Variants in OPCML observed in about 807,000 individuals in gnomAD.
The protein encoded by OPCML is opioid-binding protein/cell adhesion molecule.
In OPCML, 13 loss-of-function variants were observed where a neutral mutation model predicts 37.8. The observed-to-expected ratio is 0.34, with a 90% CI of 0.22 to 0.55. OPCML has a LOEUF of 0.55. Ranked by LOEUF, OPCML falls within the 20% of genes least tolerant of loss-of-function variation. OPCML has a pLI of 0.91. For synonymous variants in OPCML, 176 were observed against 168.8 expected, an observed-to-expected ratio of 1.04 and a Z score of -0.33; for missense variants, 341 against 435.6, an observed-to-expected ratio of 0.78 and a Z score of 1.93.
chr11:132,551,053 T>C lies in OPCML; in HGVS notation c.380-21867A>G, dbSNP rs535147617. On this transcript the variant is annotated intron_variant, in intron 3 of 7. Transcript: ENST00000524381. Reference sequence around the variant, plus strand: ...TTTATTTCCTGGATGCGCCTTACCCTGAGGCTTCCAGAGAGATGGGCCCTT... The same window carrying C: ...TTTATTTCCTGGATGCGCCTTACCCCGAGGCTTCCAGAGAGATGGGCCCTT... 1.1e-4 allele frequency among the ~76,000 whole-genome samples: 16 copies of C among 152,314 alleles called. 1 individual carries two copies. The South Asian group carries it at 3.1e-3, about 30-fold the overall frequency.
chr11:132,702,920 C>T (rs1188242833), intron 2 of OPCML, among the ~76,000 whole-genome samples: 2 of 152,074 alleles, frequency 1.3e-5, no homozygotes, highest in Non-Finnish European at 2.9e-5. Context: ...TGGCTCTCAT[C>T]TTTTTGTTAA....
intron 1 of OPCML, among the ~76,000 whole-genome samples, chr11:133,398,664 G>C (rs534908408): frequency 6.6e-6 from 1 of 152,038 alleles, no homozygotes; most frequent in African/African-American, 2.4e-5. Flanking sequence ...TTCAAAATAA[G>C]TTTAAAATGA....
chr11:133,431,790 A>G (rs1946122965), intron 1 of OPCML, among the ~76,000 whole-genome samples: 1 of 147,950 alleles, frequency 6.8e-6, no homozygotes, highest in Non-Finnish European at 1.5e-5. Flanking sequence ...TTATATATAT[A>G]TATAAAATAT....
At chr11:132,912,064 C>G (rs536529444) in intron 2 of OPCML, among the ~76,000 whole-genome samples, 162 of 152,132 alleles carry the variant, frequency 1.1e-3, no homozygotes, top group African/African-American at 3.5e-3. Context: ...ACCATTAGAA[C>G]ACTTGGAATC....
chr11:133,529,260 T>C (rs1407201868), intron 1 of OPCML, among the ~76,000 whole-genome samples: 1 of 152,254 alleles, frequency 6.6e-6, no homozygotes, highest in East Asian at 1.9e-4. Flanking sequence ...CATTTTAACC[T>C]GCCTCTCTCC....
At chr11:132,434,763 A>G (rs1459434285) in intron 7 of OPCML, among the ~76,000 whole-genome samples, 2 of 152,224 alleles carry the variant, frequency 1.3e-5, no homozygotes, top group Non-Finnish European at 2.9e-5. Context: ...CCTTGGGCTA[A>G]AAGAATAAAA....
At position 133,002,531 on chromosome 11, in the gene OPCML, G is replaced by A. The variant is rs544413573; in HGVS notation, c.62-59521C>T. On this transcript the variant is annotated intron_variant, in intron 1 of 7. Transcript: ENST00000524381. ...CTTTCTTTATCTATCAAATAAGGAGGATGATGTTAGTTCTGTGTGCCCACA... is the reference window on the plus strand; with the variant it reads ...CTTTCTTTATCTATCAAATAAGGAGAATGATGTTAGTTCTGTGTGCCCACA... 4.6e-5 allele frequency among the ~76,000 whole-genome samples: 7 copies of A among 152,304 alleles called. No homozygotes were observed. The South Asian group carries it at 8.3e-4, about 18-fold the overall frequency.
At chr11:132,547,830 A>G (rs1157693428) in intron 3 of OPCML, among the ~76,000 whole-genome samples, 1 of 152,128 alleles carries the variant, frequency 6.6e-6, no homozygotes, top group Non-Finnish European at 1.5e-5. Flanking sequence ...GAACACATGC[A>G]TTACTGGTGA....
chr11:133,492,436 T>C (rs1292023880), intron 1 of OPCML, among the ~76,000 whole-genome samples: 1 of 152,078 alleles, frequency 6.6e-6, no homozygotes, highest in African/African-American at 2.4e-5. Flanking sequence ...CAGCCTTATA[T>C]AAAAGCAAAG....
intron 1 of OPCML, among the ~76,000 whole-genome samples, chr11:133,379,821 C>A (rs1565603588): frequency 6.6e-6 from 1 of 152,162 alleles, no homozygotes; most frequent in Non-Finnish European, 1.5e-5. Context: ...TCCAAATATT[C>A]CTGTAGTAAA....
At chr11:133,108,600 C>T (rs1266910015) in intron 1 of OPCML, among the ~76,000 whole-genome samples, 1 of 152,072 alleles carries the variant, frequency 6.6e-6, no homozygotes, top group African/African-American at 2.4e-5. Context: ...CGCACAGACA[C>T]ACACACACAC....
At chr11:133,053,848 C>T (rs1486951899) in intron 1 of OPCML, among the ~76,000 whole-genome samples, 1 of 152,172 alleles carries the variant, frequency 6.6e-6, no homozygotes, top group African/African-American at 2.4e-5. Context: ...CTTCTCAAGT[C>T]CTTCAATCTA....
intron 2 of OPCML, among the ~76,000 whole-genome samples, chr11:132,724,374 G>T (rs946185714): frequency 1.3e-5 from 2 of 152,138 alleles, no homozygotes; most frequent in African/African-American, 4.8e-5. Flanking sequence ...TGCTGTTAAA[G>T]AACCCTTATA....
At chr11:132,902,052 T>C (rs1353936485) in intron 2 of OPCML, among the ~76,000 whole-genome samples, 1 of 152,224 alleles carries the variant, frequency 6.6e-6, no homozygotes, top group African/African-American at 2.4e-5. Flanking sequence ...GTATGGCTTA[T>C]GTAAATGAAG....
intron 2 of OPCML, among the ~76,000 whole-genome samples, chr11:132,885,937 C>G (rs779836756): frequency 8.6e-5 from 13 of 151,920 alleles, no homozygotes; most frequent in Non-Finnish European, 1.8e-4. Context: ...TCCCACGAGA[C>G]AGAAACACAC....
chr11:133,064,144 GA>G (rs1948398877), intron 1 of OPCML, among the ~76,000 whole-genome samples: 1 of 152,222 alleles, frequency 6.6e-6, no homozygotes, highest in Admixed American at 6.5e-5. Context: ...TGATCCAGAG[GA>G]GGCTGAGTGA....
intron 2 of OPCML, among the ~76,000 whole-genome samples, chr11:132,915,126 C>T (rs1944562258): frequency 6.6e-6 from 1 of 152,156 alleles, no homozygotes; most frequent in Middle Eastern, 3.2e-3. Flanking sequence ...ACATGTGTAT[C>T]CCATCTTTAC....
intron 2 of OPCML, among the ~76,000 whole-genome samples, chr11:132,774,814 A>G (rs1191478203): frequency 1.3e-5 from 2 of 152,206 alleles, no homozygotes; most frequent in African/African-American, 2.4e-5. Flanking sequence ...CTGTGCATAC[A>G]GTAGGTGATT....
chr11:133,362,287 G>A (rs933815299), intron 1 of OPCML: 1 of 152,470 alleles, frequency 6.6e-6, no homozygotes, highest in Non-Finnish European at 1.5e-5. Flanking sequence ...GCAGTGAAAT[G>A]GAGACTCTGG....
Sources: gnomAD v4.1 joint callset for allele counts (sites outside exome capture counted in the v4.1 genomes callset) on GRCh38, gnomAD v4.1.1 for gene constraint, MANE v1.5 for transcripts, NCBI Gene and HGNC (gene_info 2026-07-23, HGNC 2026-07-21) for gene names.